IGF1R: variants seen among roughly 807,000 people sequenced by gnomAD.
The protein encoded by IGF1R is insulin-like growth factor 1 receptor.
A neutral mutation model predicts 144.6 loss-of-function variants in IGF1R; 44 were observed. The ratio of observed to expected loss-of-function variants is 0.30; its 90% confidence interval spans 0.24 to 0.39. The LOEUF is 0.39. Among genes scored for constraint, IGF1R ranks in the 10% least tolerant of loss-of-function variants. IGF1R has a pLI of 1.00. For missense variants in IGF1R, 1,355 were observed against 1,833.7 expected, an observed-to-expected ratio of 0.74 and a Z score of 4.77; for synonymous variants, 795 against 722.8, an observed-to-expected ratio of 1.10 and a Z score of -1.60.
rs2053804397 is a variant in IGF1R at position 98,704,150 on chromosome 15, A to G, written c.95-3412A>G. Among the ~76,000 whole-genome samples, 1 of 152,200 alleles carries G rather than the reference A, an allele frequency of 6.6e-6. No homozygotes were observed. The highest frequency in any genetic ancestry group is 1.5e-5 in the Non-Finnish European group (1 of 68,036). On this transcript the variant is annotated intron_variant, in intron 1 of 20. Transcript: ENST00000650285. The surrounding 1 kb of genome is among the most constrained non-coding windows in gnomAD (Gnocchi z 4.9). ...TCCCTCAGACACCTCCACAAAGGGT[A>G]ATAAAATGGTTCGTTGTATACAAAC...
intron 6 of IGF1R, 139 bp downstream of exon 6, chr15:98,909,038 T>G: frequency 1.3e-6 from 1 of 751,166 alleles, no homozygotes; most frequent in Non-Finnish European, 2.4e-6. Flanking sequence ...TAACTAGCAC[T>G]TTGCTCCTAC....
intron 17 of IGF1R, among the ~76,000 whole-genome samples, chr15:98,936,085 A>G (rs1157778006): frequency 6.6e-6 from 1 of 152,108 alleles, no homozygotes; most frequent in African/African-American, 2.4e-5. Flanking sequence ...CTCCCCACAC[A>G]CAGTCCCCTT....
chr15:98,735,998 C>T (rs1226234261), intron 2 of IGF1R, among the ~76,000 whole-genome samples: 2 of 152,176 alleles, frequency 1.3e-5, no homozygotes, highest in Non-Finnish European at 2.9e-5. Context: ...GGATCACTCA[C>T]CAATATGGTT....
intron 1 of IGF1R, among the ~76,000 whole-genome samples, chr15:98,656,156 C>G (rs995081479): frequency 6.6e-6 from 1 of 152,222 alleles, no homozygotes; most frequent in Non-Finnish European, 1.5e-5. Context: ...GAAGCATTCA[C>G]ATTCTTTGGA....
At chr15:98,932,555 G>C (rs1482058610) in intron 15 of IGF1R, among the ~76,000 whole-genome samples, 1 of 152,214 alleles carries the variant, frequency 6.6e-6, no homozygotes, top group Non-Finnish European at 1.5e-5. Context: ...AATGTGATTG[G>C]TTTCAACTCC....
intron 20 of IGF1R, among the ~76,000 whole-genome samples, chr15:98,954,582 G>A (rs1251309902): frequency 1.3e-5 from 2 of 152,152 alleles, no homozygotes; most frequent in Non-Finnish European, 2.9e-5. Context: ...TGGTTTAAAA[G>A]AGGCGTCACA....
intron 1 of IGF1R, among the ~76,000 whole-genome samples, chr15:98,655,475 G>C (rs1181706803): frequency 6.6e-6 from 1 of 151,500 alleles, no homozygotes; most frequent in East Asian, 1.9e-4. Flanking sequence ...TTCCTTACTT[G>C]AACTGAGAAA....
intron 2 of IGF1R, among the ~76,000 whole-genome samples, chr15:98,782,278 T>C (rs1477724241): frequency 6.6e-6 from 1 of 152,174 alleles, no homozygotes; most frequent in Non-Finnish European, 1.5e-5. Flanking sequence ...AGCAGCTTTG[T>C]TTACCATGTT....
chr15:98,909,522 G>A (rs569882272), intron 6 of IGF1R, among the ~76,000 whole-genome samples: 1 of 152,216 alleles, frequency 6.6e-6, no homozygotes, highest in African/African-American at 2.4e-5. Context: ...GCCTCCCAAA[G>A]TGCTGGGATT....
chr15:98,925,371 CTTG>C (rs1251110328), intron 13 of IGF1R, among the ~76,000 whole-genome samples: 13 of 152,354 alleles, frequency 8.5e-5, no homozygotes, highest in East Asian at 1.9e-4. Context: ...GGGCCACATA[CTTG>C]TTGTTTGACC....
At chr15:98,876,055 T>C (rs747767143) in intron 2 of IGF1R, among the ~76,000 whole-genome samples, 1 of 152,212 alleles carries the variant, frequency 6.6e-6, no homozygotes, top group African/African-American at 2.4e-5. Context: ...ACAATTTGCA[T>C]GATAGTCTGG....
At chr15:98,877,184 G>T (rs2013101143) in intron 2 of IGF1R, among the ~76,000 whole-genome samples, 1 of 152,086 alleles carries the variant, frequency 6.6e-6, no homozygotes, top group Non-Finnish European at 1.5e-5. Flanking sequence ...GAGAGAGAGA[G>T]ACTGACTTAC....
At chr15:98,945,869 C>T (rs553043544) in intron 19 of IGF1R, among the ~76,000 whole-genome samples, 1 of 152,158 alleles carries the variant, frequency 6.6e-6, no homozygotes, top group African/African-American at 2.4e-5. Context: ...ATGTTGACCT[C>T]AGACAAGAGT....
At chr15:98,806,772 A>G (rs2056480742) in intron 2 of IGF1R, among the ~76,000 whole-genome samples, 1 of 152,210 alleles carries the variant, frequency 6.6e-6, no homozygotes, top group Non-Finnish European at 1.5e-5. Context: ...GGGTATCTGT[A>G]TACCAGTGTT....
chr15:98,834,729 A>G (rs1025583117), intron 2 of IGF1R, among the ~76,000 whole-genome samples: 20 of 152,192 alleles, frequency 1.3e-4, no homozygotes, highest in African/African-American at 4.8e-4. Context: ...AGGCTCAAGC[A>G]TTGAGGGTCC....
chr15:98,784,328 G>T (rs2055936043), intron 2 of IGF1R: 1 of 152,318 alleles, frequency 6.6e-6, no homozygotes, highest in Non-Finnish European at 1.5e-5. Context: ...AAACAGAGAA[G>T]TCCTAGGGGT....
chr15:98,859,047 AT>A (rs2011995583), intron 2 of IGF1R, among the ~76,000 whole-genome samples: 1 of 151,986 alleles, frequency 6.6e-6, no homozygotes. Context: ...TTAGCTTCTC[AT>A]CTAAGCAAGA....
intron 2 of IGF1R, among the ~76,000 whole-genome samples, chr15:98,855,048 G>T (rs886583786): frequency 7.2e-5 from 11 of 152,092 alleles, no homozygotes; most frequent in African/African-American, 2.7e-4. Flanking sequence ...TACAGCCCCT[G>T]CGCATCCCAC....
chr15:98,924,612 C>G lies in IGF1R; in HGVS notation c.2710C>G (p.Arg904Gly). 6.2e-7 allele frequency: 1 copy of G among 1,614,148 alleles called. No individual in the cohort carries two copies. Among genetic ancestry groups the G allele is most frequent in the Non-Finnish European group, 8.5e-7 (1 of 1,179,972 alleles). ...GCTAAACCCGGGGAACTACACAGCC[C>G]GGATTCAGGCCACATCTCTCTCTGG... Reference protein sequence around the residue: ...NRLNPGNYTARIQATSLSGNG... With the variant: ...NRLNPGNYTAGIQATSLSGNG... The change falls in exon 13 of 21, where the codon CGG becomes GGG. Residue 904 changes from arginine (R) to glycine (G), a missense_variant. By Grantham distance (125) the Arg-to-Gly change is moderately radical. This residue lies in a region of IGF1R where 880 missense variants were observed against 1,202.7 expected (regional missense o/e 0.73). Coordinates refer to ENST00000650285, the MANE Select transcript of IGF1R (RefSeq NM_000875.5).
Sources: gnomAD v4.1 joint callset for allele counts (sites outside exome capture counted in the v4.1 genomes callset) on GRCh38, gnomAD v4.1.1 for gene constraint, gnomAD v4.1.1 regional missense constraint, Gnocchi (gnomAD v3.1) non-coding constraint, MANE v1.5 for transcripts, NCBI Gene and HGNC (gene_info 2026-07-23, HGNC 2026-07-21) for gene names.